TMEM135: variants seen among roughly 807,000 people sequenced by gnomAD.
TMEM135 encodes the protein transmembrane protein 135.
In TMEM135, 30 loss-of-function variants were observed where a neutral mutation model predicts 60.3. That is an observed-to-expected ratio of 0.50 (90% CI 0.37 to 0.68). The LOEUF (loss-of-function observed/expected upper bound fraction) is 0.68. Ranked by LOEUF, TMEM135 falls within the 30% of genes least tolerant of loss-of-function variation. TMEM135 has a pLI of 0.00. For synonymous variants in TMEM135, 190 were observed against 186.7 expected (o/e 1.02, Z -0.14); for missense variants, 468 against 548.8 (o/e 0.85, Z 1.47).
At chr11:87,227,276 A>C (rs1297032715) in intron 5 of TMEM135, among the ~76,000 whole-genome samples, 1 of 151,988 alleles carries the variant, frequency 6.6e-6, no homozygotes, top group Non-Finnish European at 1.5e-5. Context: ...ACTGAAAAAA[A>C]TTGACTTATG....
intron 6 of TMEM135, among the ~76,000 whole-genome samples, chr11:87,261,242 C>T (rs551936929): frequency 2.3e-4 from 35 of 152,312 alleles, no homozygotes; most frequent in Non-Finnish European, 5.0e-4. Flanking sequence ...TTCCTTTCTT[C>T]TCAGCGCCAA....
intron 5 of TMEM135, among the ~76,000 whole-genome samples, chr11:87,204,966 T>C (rs148364795): frequency 6.6e-6 from 1 of 152,340 alleles, no homozygotes; most frequent in African/African-American, 2.4e-5. Flanking sequence ...TGCTTTACCT[T>C]CTCCATGAAA....
chr11:87,236,766 C>T lies in TMEM135; in HGVS notation c.509+82C>T, dbSNP rs532430712. Reference sequence around the variant, plus strand: ...TCATCAACCACGAAACTAAAGTATTCTCCAAATAATTATCCCTTACAAGCA... The same window carrying T: ...TCATCAACCACGAAACTAAAGTATTTTCCAAATAATTATCCCTTACAAGCA... On this transcript the variant is annotated intron_variant, in intron 6 of 14. Transcript: ENST00000305494. 1.1e-5 allele frequency: 15 copies of T among 1,359,182 alleles called. No individual in the cohort carries two copies. The East Asian group carries it at 2.5e-4, about 23-fold the overall frequency. The allele number at this position is 1,359,182 out of a possible 1,614,324, so 84.2% of individuals were successfully genotyped here.
chr11:87,096,823 C>T (rs182654685), intron 4 of TMEM135, among the ~76,000 whole-genome samples: 105 of 152,270 alleles, frequency 6.9e-4, no homozygotes, highest in Middle Eastern at 3.4e-3. Flanking sequence ...AAGTTTTAAC[C>T]ATCTGTCTTT....
intron 7 of TMEM135, among the ~76,000 whole-genome samples, chr11:87,298,755 C>T (rs375442426): frequency 2.4e-4 from 30 of 124,462 alleles, no homozygotes; most frequent in African/African-American, 8.2e-4. Context: ...CCACTGCACT[C>T]CAGCCTGGGT....
chr11:87,322,178 C>T lies in TMEM135; in HGVS notation c.*845C>T, dbSNP rs1942834151. On this transcript the variant is annotated 3_prime_UTR_variant, in exon 15 of 15. Transcript: ENST00000305494. ...TGATGTTTGTTTTCATTTATATGGA[C>T]ATAATCCTTCATAGCTCAGTTTATA... 2.2e-6 allele frequency: 1 copy of T among 454,276 alleles called. No individual in the cohort carries two copies. Among genetic ancestry groups the T allele is most frequent in the Admixed American group, 2.4e-5 (1 of 42,520 alleles). The allele number at this position is 454,276 out of a possible 1,614,324, so 28.1% of individuals were successfully genotyped here.
At chr11:87,134,588 C>T (rs1938039587) in intron 4 of TMEM135, among the ~76,000 whole-genome samples, 1 of 152,296 alleles carries the variant, frequency 6.6e-6, no homozygotes, top group Non-Finnish European at 1.5e-5. Flanking sequence ...CTCAGATGAT[C>T]CTTTCACCTC....
chr11:87,293,051 T>C (rs1299910332), intron 6 of TMEM135, among the ~76,000 whole-genome samples: 1 of 152,216 alleles, frequency 6.6e-6, no homozygotes, highest in Admixed American at 6.5e-5. Context: ...CAGTTATACA[T>C]AATCTTTTAA....
At chr11:87,180,214 GGTA>G (rs1378125458) in intron 5 of TMEM135, among the ~76,000 whole-genome samples, 2 of 152,110 alleles carry the variant, frequency 1.3e-5, no homozygotes, top group Non-Finnish European at 2.9e-5. Context: ...CCCCTGCAAT[GGTA>G]GTGGTGGTGG....
chr11:87,251,307 G>A (rs891606676), intron 6 of TMEM135, among the ~76,000 whole-genome samples: 33 of 152,148 alleles, frequency 2.2e-4, no homozygotes, highest in African/African-American at 7.0e-4. Context: ...GGAGAATCTT[G>A]ATGTTTGAAG....
At chr11:87,299,405 A>C (rs965817885) in intron 7 of TMEM135, among the ~76,000 whole-genome samples, 10 of 152,128 alleles carry the variant, frequency 6.6e-5, no homozygotes, top group African/African-American at 2.4e-4. Flanking sequence ...ATTCACTATC[A>C]TGAGAACAGC....
intron 3 of TMEM135, among the ~76,000 whole-genome samples, chr11:87,078,901 C>T (rs146099200): frequency 0.019 from 2,876 of 152,114 alleles, 77 homozygotes; most frequent in East Asian, 0.063. Context: ...GGATTACAGG[C>T]GTGAGCCACT....
At chr11:87,208,107 G>A (rs908294996) in intron 5 of TMEM135, among the ~76,000 whole-genome samples, 1 of 152,196 alleles carries the variant, frequency 6.6e-6, no homozygotes, top group African/African-American at 2.4e-5. Context: ...AAAGGGGAAA[G>A]GAACATCAGT....
chr11:87,236,715 AC>A, intron 6 of TMEM135, 31 bp downstream of exon 6: 1 of 1,583,708 alleles, frequency 6.3e-7, no homozygotes. Flanking sequence ...TTACTTTAAT[AC>A]CCCAAACAGT....
chr11:87,091,691 T>C (rs1446012375), intron 4 of TMEM135, among the ~76,000 whole-genome samples: 1 of 152,122 alleles, frequency 6.6e-6, no homozygotes, highest in Admixed American at 6.5e-5. Flanking sequence ...TATATCTGTC[T>C]CTTTATATCT....
intron 1 of TMEM135, among the ~76,000 whole-genome samples, chr11:87,059,439 A>G (rs1266388244): frequency 6.6e-6 from 1 of 150,886 alleles, no homozygotes. Context: ...CCTCAGCCTC[A>G]CAAGTAGCTG....
At chr11:87,137,735 A>C (rs1938143702) in intron 4 of TMEM135, among the ~76,000 whole-genome samples, 1 of 151,918 alleles carries the variant, frequency 6.6e-6, no homozygotes, top group Admixed American at 6.6e-5. Flanking sequence ...GGGGGAAAAA[A>C]CCTCATGCTT....
At chr11:87,111,843 C>T (rs111542836) in intron 4 of TMEM135, among the ~76,000 whole-genome samples, 459 of 152,070 alleles carry the variant, frequency 3.0e-3, no homozygotes, top group Non-Finnish European at 5.2e-3. Context: ...TTTATTGTCC[C>T]ATTTATAGAT....
chr11:87,223,199 C>G lies in TMEM135; in HGVS notation c.463-13439C>G, dbSNP rs528467564. On this transcript the variant is annotated intron_variant, in intron 5 of 14. Coordinates refer to ENST00000305494, the MANE Select transcript of TMEM135 (RefSeq NM_022918.4). ...TTTTTTTCTGAGATGGAGTCTCGCA[C>G]TTTCGCCCAGGCTGGAGCGCAGTGG... 1.6e-4 allele frequency among the ~76,000 whole-genome samples: 24 copies of G among 145,902 alleles called. No individual in the cohort carries two copies. The South Asian group carries it at 4.1e-3, about 25-fold the overall frequency.
Sources: gnomAD v4.1 joint callset for allele counts (sites outside exome capture counted in the v4.1 genomes callset) on GRCh38, gnomAD v4.1.1 for gene constraint, MANE v1.5 for transcripts, NCBI Gene and HGNC (gene_info 2026-07-23, HGNC 2026-07-21) for gene names.